The following PCDHA4 variants were observed in gnomAD, a reference collection of about 807,000 sequenced individuals.
PCDHA4 encodes protocadherin alpha 4.
Under a neutral mutation model 61.4 loss-of-function variants are expected in PCDHA4, and 49 were observed. The ratio of observed to expected loss-of-function variants is 0.80; its 90% CI spans 0.63 to 1.01. The LOEUF is 1.01. Among genes scored for constraint, PCDHA4 ranks in the 50% least tolerant of loss-of-function variants. PCDHA4 has a pLI of 0.00. For synonymous variants in PCDHA4, 590 were observed against 550.3 expected (o/e 1.07, Z -1.01); for missense variants, 1,254 against 1,235.8 (o/e 1.01, Z -0.22).
intron 1 of PCDHA4, chr5:140,824,004 G>C: frequency 6.2e-7 from 1 of 1,614,112 alleles, no homozygotes; most frequent in African/African-American, 1.3e-5. Context: ...GCTCCAGCGC[G>C]GTGGGGAGCT....
chr5:140,978,652 C>T (rs555324579), intron 1 of PCDHA4, among the ~76,000 whole-genome samples: 2 of 152,320 alleles, frequency 1.3e-5, no homozygotes, highest in East Asian at 1.9e-4. Flanking sequence ...CTGTTCTTCC[C>T]GTAGTGTTTT....
intron 1 of PCDHA4, chr5:140,854,253 A>C: frequency 1.3e-5 from 8 of 620,086 alleles, no homozygotes; most frequent in Non-Finnish European, 1.6e-5. Flanking sequence ...CACTTGGTAT[A>C]AAATGTACAT....
chr5:140,930,072 C>G (rs2086579078), intron 1 of PCDHA4: 1 of 152,132 alleles, frequency 6.6e-6, no homozygotes, highest in Admixed American at 6.5e-5. Flanking sequence ...AACTGTAAGC[C>G]TCTCTCATAA....
chr5:140,979,060 C>T, intron 2 of PCDHA4, 53 bp downstream of exon 2: 1 of 1,606,180 alleles, frequency 6.2e-7, no homozygotes, highest in Non-Finnish European at 8.5e-7. Context: ...TGGTATGGCT[C>T]AGATAAACTG....
chr5:140,863,170 A>G (rs1458621286), intron 1 of PCDHA4: 2 of 688,322 alleles, frequency 2.9e-6, no homozygotes, highest in African/African-American at 1.8e-5. Flanking sequence ...GCTGGCGCTG[A>G]CTGCCACCGT....
At position 140,809,445 on chromosome 5, in the gene PCDHA4, A is replaced by T; in HGVS notation, c.2258A>T (p.Gln753Leu). The T allele has an allele frequency of 6.2e-7, 1 of 1,614,234 alleles. No homozygotes were observed. Among genetic ancestry groups the T allele is most frequent in the Non-Finnish European group, 8.5e-7 (1 of 1,180,028 alleles). ...GTGGGGAGCTGGTCATACTCGCAGC[A>T]GAGGAGGCCGAGGGTGTGCTCTGGT... ...SAVGSWSYSQ[Q>L]RRPRVCSGEG... Residue 753 changes from glutamine to leucine, a missense_variant, in exon 1 of 4, where the codon CAG becomes CTG. Coordinates refer to ENST00000530339, the MANE Select transcript of PCDHA4 (RefSeq NM_018907.4).
chr5:140,862,537 C>G (rs56017024), intron 1 of PCDHA4: 1 of 440,558 alleles, frequency 2.3e-6, no homozygotes, highest in Non-Finnish European at 4.6e-6. Context: ...CCATCGGGTC[C>G]GTGGAAGTGG....
At chr5:140,868,823 G>A (rs576498570) in intron 1 of PCDHA4, 4 of 397,532 alleles carry the variant, frequency 1.0e-5, no homozygotes, top group South Asian at 6.7e-5. Context: ...ATATTTGGGG[G>A]AAGAAACCCA....
At chr5:140,949,203 T>C (rs879971307) in intron 1 of PCDHA4, among the ~76,000 whole-genome samples, 13 of 151,790 alleles carry the variant, frequency 8.6e-5, no homozygotes, top group East Asian at 1.9e-4. Flanking sequence ...TTCAGTCTTT[T>C]AAAAATCTGT....
chr5:140,882,897 T>A, intron 1 of PCDHA4: 1 of 1,614,220 alleles, frequency 6.2e-7, no homozygotes, highest in South Asian at 1.1e-5. Context: ...GAACATAGTT[T>A]ATTACTGACA....
At chr5:140,858,296 C>A in intron 1 of PCDHA4, 2 of 1,597,508 alleles carry the variant, frequency 1.3e-6, no homozygotes, top group Non-Finnish European at 1.7e-6. Flanking sequence ...GTCTTACTCG[C>A]AGCAGAGGCG....
intron 3 of PCDHA4, among the ~76,000 whole-genome samples, chr5:140,994,024 A>G (rs1440214596): frequency 6.6e-6 from 1 of 152,234 alleles, no homozygotes; most frequent in East Asian, 1.9e-4. Context: ...TGATGCAGAT[A>G]TAATATTAAA....
Position 141,010,268 on chromosome 5 carries a change from A to T in PCDHA4, c.*331A>T. 1 of 1,551,622 alleles carries T rather than the reference A, an allele frequency of 6.4e-7. No homozygotes were observed. Among genetic ancestry groups the T allele is most frequent in the Non-Finnish European group, 8.7e-7 (1 of 1,146,964 alleles). On this transcript the variant is annotated 3_prime_UTR_variant, in exon 4 of 4. Coordinates refer to ENST00000530339, the MANE Select transcript of PCDHA4 (RefSeq NM_018907.4). ...GGACTCTCTGCCCTGTGCTCCGGGG[A>T]TCCTGTCTTGATGACACTTGCAGGG...
In PCDHA4 at chr5:140,852,957, C is replaced by T. The variant is rs193082588; in HGVS notation, c.2385+43385C>T. The T allele has an allele frequency of 2.4e-3, 1,034 of 439,410 alleles. 42 individuals carry two copies. The highest frequency in any genetic ancestry group is 0.021 in the African/African-American group (968 of 46,052). 27.2% of individuals were successfully genotyped at this position (439,410 alleles called of 1,614,324 possible). On this transcript the variant is annotated intron_variant, in intron 1 of 3. Transcript: ENST00000530339. ...GCAGTGGTGCCATCTTGGCTCACTC[C>T]AAGCTCCCCCTCCCGTGTTCACGCC... is the stretch of plus-strand genomic sequence containing the variant.
chr5:140,831,227 C>T (rs1037770738), intron 1 of PCDHA4: 2 of 152,168 alleles, frequency 1.3e-5, no homozygotes, highest in Admixed American at 1.3e-4. Context: ...AAACTGCATT[C>T]CTCTGGCATT....
At chr5:140,819,364 T>C (rs1766546050) in intron 1 of PCDHA4, among the ~76,000 whole-genome samples, 1 of 152,186 alleles carries the variant, frequency 6.6e-6, no homozygotes, top group African/African-American at 2.4e-5. Flanking sequence ...TAAATTTTCT[T>C]GTGTTAGTAT....
chr5:140,972,947 C>T (rs1287629621), intron 1 of PCDHA4, among the ~76,000 whole-genome samples: 1 of 152,096 alleles, frequency 6.6e-6, no homozygotes, highest in African/African-American at 2.4e-5. Context: ...CAGATGTGAG[C>T]CACCATGCCC....
chr5:140,966,960 T>C, intron 1 of PCDHA4: 1 of 1,603,106 alleles, frequency 6.2e-7, no homozygotes, highest in Non-Finnish European at 8.5e-7. Context: ...GCTCGCGCGC[T>C]GGGGCTTGAG....
chr5:140,967,404 A>C (rs2096137449), intron 1 of PCDHA4: 1 of 1,612,076 alleles, frequency 6.2e-7, no homozygotes, highest in Non-Finnish European at 8.5e-7. Flanking sequence ...GTGCTGCGTA[A>C]GGGCCTAGAC....
Sources: allele counts gnomAD v4.1 joint callset (sites outside exome capture counted in the v4.1 genomes callset), GRCh38; gene constraint gnomAD v4.1.1; transcripts MANE v1.5; gene names NCBI Gene and HGNC (gene_info 2026-07-23, HGNC 2026-07-21).